The following DAPK2 variants were observed in gnomAD, a reference collection of about 807,000 sequenced individuals.
DAPK2 encodes the protein death-associated protein kinase 2.
DAPK2 carries 35 observed loss-of-function variants against 44.1 expected under a neutral mutation model. The ratio of observed to expected loss-of-function variants is 0.79; its 90% CI spans 0.61 to 1.05. DAPK2 has a LOEUF of 1.05. Among genes scored for constraint, DAPK2 ranks in the 50% least tolerant of loss-of-function variants. DAPK2 has a pLI of 0.00. For synonymous variants in DAPK2, 174 were observed against 182.6 expected, an observed-to-expected ratio of 0.95 and a Z score of 0.38; for missense variants, 453 against 483.2, an observed-to-expected ratio of 0.94 and a Z score of 0.59.
At chr15:64,021,140 C>T (rs1488873689) in intron 1 of DAPK2, among the ~76,000 whole-genome samples, 1 of 152,186 alleles carries the variant, frequency 6.6e-6, no homozygotes, top group African/African-American at 2.4e-5. Context: ...CAGACCCTAC[C>T]CACAAGGGGA....
intron 2 of DAPK2, among the ~76,000 whole-genome samples, chr15:63,979,080 C>T (rs560863481): frequency 2.6e-5 from 4 of 152,198 alleles, no homozygotes; most frequent in Non-Finnish European, 4.4e-5. Context: ...ACCACGGTAT[C>T]GCTTTCCACA....
chr15:64,031,882 T>C (rs1354171430), intron 1 of DAPK2, among the ~76,000 whole-genome samples: 1 of 152,204 alleles, frequency 6.6e-6, no homozygotes, highest in Non-Finnish European at 1.5e-5. Flanking sequence ...TAAATGGAAG[T>C]AATTTTTGTG....
intron 3 of DAPK2, among the ~76,000 whole-genome samples, chr15:63,943,162 G>A (rs2077360555): frequency 6.7e-6 from 1 of 150,302 alleles, no homozygotes; most frequent in Non-Finnish European, 1.5e-5. Context: ...GGTGGCTCAT[G>A]CCTGTAACCC....
intron 1 of DAPK2, among the ~76,000 whole-genome samples, chr15:63,986,622 C>A (rs546541317): frequency 2.6e-5 from 4 of 152,144 alleles, no homozygotes; most frequent in African/African-American, 9.7e-5. Context: ...CACCCTACCC[C>A]GCCAATGATT....
chr15:64,000,970 C>T lies in DAPK2; in HGVS notation c.93-17216G>A, dbSNP rs1172750765. ...TCTTGGCTTGCTGCAACTTCTGCCT[C>T]CCAGGTTCAAGCGATTCTCCTGCCT... On this transcript the variant is annotated intron_variant, in intron 1 of 10. Coordinates refer to ENST00000261891, the Ensembl canonical transcript of DAPK2. 2.0e-5 allele frequency among the ~76,000 whole-genome samples: 3 copies of T among 152,138 alleles called. No individual in the cohort carries two copies. In the South Asian group the frequency reaches 6.2e-4, roughly 32 times the overall value.
upstream of DAPK2, among the ~76,000 whole-genome samples, chr15:64,043,300 G>A (rs2080389617): frequency 6.6e-6 from 1 of 152,160 alleles, no homozygotes; most frequent in African/African-American, 2.4e-5. Context: ...AATGATCCAC[G>A]TTAGAATGGT....
At chr15:63,919,404 C>T (rs2019693) in intron 8 of DAPK2, 151,582 of 152,306 alleles carry the variant, frequency 1, 75,436 homozygotes, top group East Asian at 1. Flanking sequence ...GATTCTAAAA[C>T]AACCACTTCT....
intron 3 of DAPK2, among the ~76,000 whole-genome samples, chr15:63,951,905 G>C (rs2077598482): frequency 6.6e-6 from 1 of 152,174 alleles, no homozygotes; most frequent in South Asian, 2.1e-4. Context: ...TTGGGCACTA[G>C]GTAGCAGAAA....
chr15:63,975,827 C>T (rs189297941), intron 2 of DAPK2, among the ~76,000 whole-genome samples: 2 of 152,278 alleles, frequency 1.3e-5, no homozygotes, highest in East Asian at 3.9e-4. Flanking sequence ...CTCCTGACCT[C>T]AAGCAATCCG....
intron 1 of DAPK2, among the ~76,000 whole-genome samples, chr15:64,029,207 G>A (rs1249810895): frequency 6.7e-6 from 1 of 150,374 alleles, no homozygotes; most frequent in Admixed American, 6.7e-5. Context: ...TAGGGCAAGC[G>A]ATTTGCACTG....
At chr15:63,996,488 G>A (rs1038705864) in intron 1 of DAPK2, among the ~76,000 whole-genome samples, 47 of 152,028 alleles carry the variant, frequency 3.1e-4, no homozygotes, top group Admixed American at 3.0e-3. Flanking sequence ...GAGACACCCG[G>A]GCCTTATTAC....
In DAPK2 at chr15:64,020,254, A is replaced by G. The variant is rs141159696; in HGVS notation, c.92+19916T>C. 4.9e-4 allele frequency among the ~76,000 whole-genome samples: 75 copies of G among 152,086 alleles called. 1 individual carries two copies. The highest frequency in any genetic ancestry group is 9.3e-4 in the Non-Finnish European group (63 of 68,012). ...AGGCAGCTCCAGAGCCAAAGCCAGG[A>G]CCCCTTTCTCTCCCACGCCAGCACA... is the stretch of plus-strand genomic sequence containing the variant. On this transcript the variant is annotated intron_variant, in intron 1 of 10. Coordinates refer to ENST00000261891, the Ensembl canonical transcript of DAPK2. The surrounding 1 kb of genome is among the most constrained non-coding windows in gnomAD (Gnocchi z 4.5).
intron 8 of DAPK2, among the ~76,000 whole-genome samples, chr15:63,914,034 G>C (rs2078862695): frequency 6.6e-6 from 1 of 152,170 alleles, no homozygotes; most frequent in Non-Finnish European, 1.5e-5. Flanking sequence ...ATAGTTGTAT[G>C]GTTAAGTCAT....
rs758628887 is a variant in DAPK2 at position 63,908,849 on chromosome 15, G to A, written c.1033-249C>T. The A allele has an allele frequency of 1.1e-3, 363 of 329,338 alleles. No homozygotes were observed. The highest frequency in any genetic ancestry group is 8.1e-3 in the Middle Eastern group (10 of 1,236). The allele number at this position is 329,338 out of a possible 1,614,324, so 20.4% of individuals were successfully genotyped here. On this transcript the variant is annotated intron_variant, in intron 10 of 10. Transcript: ENST00000261891. This position sits in a 1 kb window ranked among gnomAD's most constrained non-coding sequence, Gnocchi z 5.7. ...CTAAGGGAAACCAGACATCAGGAGAGGCCAAATTATAATAAAGAAAATTAC... is the reference window on the plus strand; with the variant it reads ...CTAAGGGAAACCAGACATCAGGAGAAGCCAAATTATAATAAAGAAAATTAC...
chr15:64,026,547 T>G (rs924218677), intron 1 of DAPK2, among the ~76,000 whole-genome samples: 1 of 152,154 alleles, frequency 6.6e-6, no homozygotes, highest in Non-Finnish European at 1.5e-5. Context: ...CCCAGCCTGA[T>G]AGGGTACCTC....
chr15:64,046,422 G>C (rs867305827), upstream of DAPK2: 2 of 309,130 alleles, frequency 6.5e-6, no homozygotes, highest in African/African-American at 2.3e-5. The surrounding 1 kb of genome is among the most constrained non-coding windows in gnomAD (Gnocchi z 5.3). Context: ...CGCTGGGCTC[G>C]GCCCTGCAGT....
At chr15:64,027,199 T>C (rs145837539) in intron 1 of DAPK2, among the ~76,000 whole-genome samples, 8 of 152,140 alleles carry the variant, frequency 5.3e-5, no homozygotes, top group African/African-American at 1.2e-4. Context: ...CCAGCCAACA[T>C]GGTGAAACCC....
intron 8 of DAPK2, among the ~76,000 whole-genome samples, chr15:63,913,134 T>C (rs770905881): frequency 2.0e-5 from 3 of 152,124 alleles, no homozygotes; most frequent in Non-Finnish European, 4.4e-5. Flanking sequence ...TCAATTTATA[T>C]AAAATGTCCA....
chr15:64,015,655 T>G (rs1461431032), intron 1 of DAPK2, among the ~76,000 whole-genome samples: 1 of 152,134 alleles, frequency 6.6e-6, no homozygotes, highest in Non-Finnish European at 1.5e-5. Context: ...ATTACCTGAG[T>G]GGGCCCCAAA....
Sources: gnomAD v4.1 joint callset for allele counts (sites outside exome capture counted in the v4.1 genomes callset) on GRCh38, gnomAD v4.1.1 for gene constraint, Gnocchi (gnomAD v3.1) non-coding constraint, MANE v1.5 for transcripts, NCBI Gene and HGNC (gene_info 2026-07-23, HGNC 2026-07-21) for gene names.